The following NSD3 variants were observed in gnomAD, a reference collection of about 807,000 sequenced individuals.
NSD3 encodes the protein nuclear receptor binding SET domain protein 3.
In NSD3, 24 loss-of-function variants were observed where a neutral mutation model predicts 160.8. The ratio of observed to expected loss-of-function variants is 0.15; its 90% CI spans 0.11 to 0.21. The LOEUF (loss-of-function observed/expected upper bound fraction) is 0.21, where lower values mean the gene tolerates loss of function less well. NSD3 is among the 10% of genes least tolerant of loss of function. The pLI is 1.00. For synonymous variants in NSD3, 520 were observed against 600.0 expected, an observed-to-expected ratio of 0.87 and a Z score of 1.95; for missense variants, 1,157 against 1,735.9, an observed-to-expected ratio of 0.67 and a Z score of 5.93.
intron 12 of NSD3, among the ~76,000 whole-genome samples, chr8:38,313,207 T>TTG (rs1198363517): frequency 5.3e-5 from 8 of 151,746 alleles, no homozygotes; most frequent in Admixed American, 1.3e-4. Flanking sequence ...GTGTGTGTAT[T>TTG]TGTGTGTGTG....
chr8:38,314,862 C>T (rs989662745), intron 11 of NSD3, 89 bp from the exon 12 acceptor site: 1 of 1,409,518 alleles, frequency 7.1e-7, no homozygotes, highest in African/African-American at 1.4e-5. Flanking sequence ...TACCGGGTCC[C>T]TCACCCACAG....
Position 38,273,823 on chromosome 8 carries a change from G to A in NSD3, c.*1818C>T, listed in dbSNP as rs376930663. Reference sequence around the variant, plus strand: ...ACCATATCTAATCAACAGAAGTACTGGAAGCCCAATGAGTCACCGCAGAAT... The same window carrying A: ...ACCATATCTAATCAACAGAAGTACTAGAAGCCCAATGAGTCACCGCAGAAT... On this transcript the variant is annotated 3_prime_UTR_variant, in exon 24 of 24. Transcript: ENST00000317025. The A allele has an allele frequency of 9.9e-5, 15 of 152,226 alleles. No individual in the cohort carries two copies. The South Asian group carries it at 2.5e-3, about 25-fold the overall frequency. The allele number at this position is 152,226 out of a possible 1,614,324, so 9.4% of individuals were successfully genotyped here. A position where few individuals can be genotyped will look rare whatever the true frequency, so the allele number is the denominator to read the frequency against.
intron 16 of NSD3, 57 bp from the exon 17 acceptor site, chr8:38,290,734 T>C: frequency 6.4e-7 from 1 of 1,570,140 alleles, no homozygotes; most frequent in Non-Finnish European, 8.7e-7. Flanking sequence ...AAAACCACTA[T>C]TTACAAGATT....
intron 7 of NSD3, among the ~76,000 whole-genome samples, chr8:38,324,983 C>T (rs1436960095): frequency 6.6e-6 from 1 of 152,248 alleles, no homozygotes; most frequent in Non-Finnish European, 1.5e-5. Context: ...TTCCATCTGG[C>T]TGTTCATCTG....
At chr8:38,302,618 A>T (rs1036376110) in intron 14 of NSD3, among the ~76,000 whole-genome samples, 1 of 152,196 alleles carries the variant, frequency 6.6e-6, no homozygotes, top group African/African-American at 2.4e-5. Flanking sequence ...AAGTTATGTA[A>T]GTTAAATTTA....
Position 38,281,038 on chromosome 8 carries a change from A to AC in NSD3, c.3618+428_3618+429insG, listed in dbSNP as rs549053918. Among the ~76,000 whole-genome samples the AC allele has an allele frequency of 3.3e-3, 505 of 152,252 alleles. 1 individual carries two copies. Among genetic ancestry groups the AC allele is most frequent in the Non-Finnish European group, 5.6e-3 (380 of 67,994 alleles). ...CCCAAAGTATTGGGATTACAGGTGT[A>AC]AGCCACCATGCCCTGCCGAAAAGTT... On this transcript the variant is annotated intron_variant, in intron 20 of 23. Coordinates refer to ENST00000317025, the MANE Select transcript of NSD3 (RefSeq NM_023034.2).
chr8:38,326,756 G>C lies in NSD3; in HGVS notation c.1682C>G (p.Ser561Cys), dbSNP rs1251816874. The C allele has an allele frequency of 4.3e-6, 7 of 1,613,960 alleles. No homozygotes were observed. Among genetic ancestry groups the C allele is most frequent in the Non-Finnish European group, 5.9e-6 (7 of 1,179,936 alleles). Residue 561 changes from serine to cysteine, a missense_variant, in exon 7 of 24, where the codon TCT (serine) becomes TGT (cysteine). This residue lies in a region of NSD3 where 102 missense variants were observed against 126.5 expected (regional missense o/e 0.81). Coordinates refer to ENST00000317025, the MANE Select transcript of NSD3 (RefSeq NM_023034.2). ...TGTAGAACCAGATGTTGCTTCAGGAGATGATACACTCTGCGTTGGCTTTTC... is the reference window on the plus strand; with the variant it reads ...TGTAGAACCAGATGTTGCTTCAGGACATGATACACTCTGCGTTGGCTTTTC... ...RNEKPTQSVS[S>C]PEATSGSTGS...
rs1368670085 is a variant in NSD3, at chr8:38,271,674, GAC to G, written c.*3965_*3966del. 6.6e-6 allele frequency: 1 copy of G among 152,188 alleles called. No homozygotes were observed. The highest frequency in any genetic ancestry group is 2.4e-5 in the African/African-American group (1 of 41,444). 9.4% of individuals were successfully genotyped at this position (152,188 alleles called of 1,614,324 possible). On this transcript the variant is annotated 3_prime_UTR_variant, in exon 24 of 24. Transcript: ENST00000317025. The stretch of plus-strand genomic sequence containing the variant: ...ATCAATTCATGTCTGCACCAACTTG[GAC>G]AACTGGGGGAGGCTGGATGCATCAG...
chr8:38,277,297 A>AGAT, intron 22 of NSD3, among the ~76,000 whole-genome samples: 1 of 151,880 alleles, frequency 6.6e-6, no homozygotes, highest in East Asian at 1.9e-4. Flanking sequence ...TAGTTTTTTG[A>AGAT]GATGGAGTCT....
intron 19 of NSD3, among the ~76,000 whole-genome samples, chr8:38,284,431 C>G (rs1267740188): frequency 6.6e-6 from 1 of 152,214 alleles, no homozygotes; most frequent in Non-Finnish European, 1.5e-5. Context: ...TCTTGTTGCC[C>G]AGGCTGGAGT....
chr8:38,295,761 T>C (rs1809120811), intron 16 of NSD3, 35 bp downstream of exon 16: 2 of 1,603,448 alleles, frequency 1.2e-6, no homozygotes, highest in Non-Finnish European at 1.7e-6. Flanking sequence ...TGCACAATGA[T>C]TGAATACTTC....
At chr8:38,356,780 G>C (rs1266828009) in intron 1 of NSD3, among the ~76,000 whole-genome samples, 1 of 151,810 alleles carries the variant, frequency 6.6e-6, no homozygotes, top group Non-Finnish European at 1.5e-5. Flanking sequence ...TGTTTAAAAT[G>C]CCAGTCTCTT....
Position 38,275,630 on chromosome 8 carries a change from A to G in NSD3, c.*11T>C. On this transcript the variant is annotated 3_prime_UTR_variant, in exon 24 of 24. Coordinates refer to ENST00000317025, the MANE Select transcript of NSD3 (RefSeq NM_023034.2). ...TTTTCACTTAAATAGAAAGGAGGGG[A>G]CACCACACATTTATTCTTTTACTTC... 1.2e-6 allele frequency: 2 copies of G among 1,609,048 alleles called. No individual in the cohort carries two copies. The highest frequency in any genetic ancestry group is 1.7e-6 in the Non-Finnish European group (2 of 1,176,448).
At chr8:38,325,354 G>A (rs954031412) in intron 7 of NSD3, among the ~76,000 whole-genome samples, 6 of 152,134 alleles carry the variant, frequency 3.9e-5, no homozygotes, top group African/African-American at 9.7e-5. Flanking sequence ...TACTATAGTC[G>A]CTTCTTAGAT....
At chr8:38,369,985 G>T (rs1811202782) in intron 1 of NSD3, among the ~76,000 whole-genome samples, 2 of 151,980 alleles carry the variant, frequency 1.3e-5, no homozygotes, top group Non-Finnish European at 2.9e-5. Context: ...GTAGACATGG[G>T]GTTTCACCAT....
At chr8:38,356,606 G>A (rs1810830352) in intron 1 of NSD3, among the ~76,000 whole-genome samples, 1 of 152,132 alleles carries the variant, frequency 6.6e-6, no homozygotes, top group Non-Finnish European at 1.5e-5. Flanking sequence ...ACGTGTTTCA[G>A]ATGAACAACT....
At chr8:38,380,353 C>A (rs1418550022) in intron 1 of NSD3, among the ~76,000 whole-genome samples, 1 of 152,206 alleles carries the variant, frequency 6.6e-6, no homozygotes, top group African/African-American at 2.4e-5. Context: ...CTTCCTACCC[C>A]TTTCACCCGG....
chr8:38,331,952 T>C (rs1263049190), intron 4 of NSD3, among the ~76,000 whole-genome samples: 1 of 152,272 alleles, frequency 6.6e-6, no homozygotes, highest in African/African-American at 2.4e-5. Context: ...GTTAGAGACA[T>C]GGTCTCACTC....
intron 13 of NSD3, 148 bp downstream of exon 13, chr8:38,305,100 T>C (rs374094782): frequency 7.8e-6 from 6 of 773,836 alleles, no homozygotes; most frequent in African/African-American, 1.7e-5. Context: ...CTACTTAACA[T>C]GTACTGTGTA....
Sources: gnomAD v4.1 joint callset for allele counts (sites outside exome capture counted in the v4.1 genomes callset) on GRCh38, gnomAD v4.1.1 for gene constraint, gnomAD v4.1.1 regional missense constraint, MANE v1.5 for transcripts, NCBI Gene and HGNC (gene_info 2026-07-23, HGNC 2026-07-21) for gene names.